TRPM3: variants seen among roughly 807,000 people sequenced by gnomAD.
The protein encoded by TRPM3 is transient receptor potential cation channel subfamily M member 3, also known as long transient receptor potential channel 3.
Under a neutral mutation model 181.2 loss-of-function variants are expected in TRPM3, and 77 were observed. The ratio of observed to expected loss-of-function variants is 0.42; its 90% CI spans 0.35 to 0.51. The LOEUF (loss-of-function observed/expected upper bound fraction) is 0.51. Among genes scored for constraint, TRPM3 ranks in the 20% least tolerant of loss-of-function variants. The pLI, the probability that TRPM3 is intolerant of heterozygous loss-of-function variation, is 0.01. For synonymous variants in TRPM3, 745 were observed against 796.4 expected, an observed-to-expected ratio of 0.94 and a Z score of 1.09; for missense variants, 1,759 against 2,196.7, an observed-to-expected ratio of 0.80 and a Z score of 3.98.
chr9:71,252,835 C>T (rs1409884939), intron 1 of TRPM3, among the ~76,000 whole-genome samples: 1 of 123,878 alleles, frequency 8.1e-6, no homozygotes, highest in African/African-American at 3.3e-5. Flanking sequence ...CCTCGCCTGG[C>T]TAATTTTGTC....
At chr9:70,877,264 G>A (rs2132643033) in intron 1 of TRPM3, among the ~76,000 whole-genome samples, 1 of 151,936 alleles carries the variant, frequency 6.6e-6, no homozygotes, top group Non-Finnish European at 1.5e-5. Flanking sequence ...TCTATGCCAA[G>A]TCGACTCAGC....
exon 1 of TRPM3, chr9:71,446,720 G>A: frequency 6.4e-7 from 1 of 1,550,568 alleles, no homozygotes; most frequent in Non-Finnish European, 8.7e-7. Flanking sequence ...CCTTTTCCAC[G>A]ACTCGGCAAA....
intron 1 of TRPM3, among the ~76,000 whole-genome samples, chr9:71,006,481 G>A (rs998589075): frequency 2.0e-5 from 3 of 151,456 alleles, no homozygotes; most frequent in South Asian, 2.1e-4. Flanking sequence ...CACACATATT[G>A]AAAGTGAAGG....
intron 1 of TRPM3, among the ~76,000 whole-genome samples, chr9:71,051,677 T>C (rs1443761487): frequency 6.6e-6 from 1 of 152,192 alleles, no homozygotes; most frequent in Non-Finnish European, 1.5e-5. Context: ...TTTAGCCGTT[T>C]CTTTTTATAT....
At chr9:71,309,263 T>A (rs1025975191) in intron 1 of TRPM3, among the ~76,000 whole-genome samples, 1 of 152,208 alleles carries the variant, frequency 6.6e-6, no homozygotes, top group Non-Finnish European at 1.5e-5. Flanking sequence ...GTGAGTTACA[T>A]AAATATTTCA....
intron 1 of TRPM3, among the ~76,000 whole-genome samples, chr9:71,019,155 T>C (rs1048484741): frequency 2.0e-5 from 3 of 151,912 alleles, no homozygotes; most frequent in Admixed American, 2.0e-4. Flanking sequence ...ACAGCAAATA[T>C]GATCTTTAAT....
intron 1 of TRPM3, among the ~76,000 whole-genome samples, chr9:71,328,503 A>T (rs2089883061): frequency 6.6e-6 from 1 of 152,106 alleles, no homozygotes; most frequent in Non-Finnish European, 1.5e-5. Context: ...GTGGAAGCTC[A>T]ACCTGTCCAG....
chr9:71,070,497 T>G (rs1439642386), intron 1 of TRPM3, among the ~76,000 whole-genome samples: 1 of 152,224 alleles, frequency 6.6e-6, no homozygotes, highest in Non-Finnish European at 1.5e-5. Flanking sequence ...GCCAGATTTC[T>G]TATCAGATGT....
chr9:71,075,121 TGTTTTAG>T (rs2063285175), intron 1 of TRPM3, among the ~76,000 whole-genome samples: 1 of 152,160 alleles, frequency 6.6e-6, no homozygotes, highest in Non-Finnish European at 1.5e-5. Context: ...TTTTCTGATT[TGTTTTAG>T]GTTTTTGTTT....
At chr9:71,294,055 T>G (rs920454670) in intron 1 of TRPM3, among the ~76,000 whole-genome samples, 2 of 151,958 alleles carry the variant, frequency 1.3e-5, no homozygotes, top group Admixed American at 6.6e-5. Flanking sequence ...GTAAGATCTT[T>G]GAGAAAATGT....
chr9:70,540,234 C>T (rs1324989675), intron 25 of TRPM3, among the ~76,000 whole-genome samples: 1 of 152,174 alleles, frequency 6.6e-6, no homozygotes, highest in Non-Finnish European at 1.5e-5. Flanking sequence ...GCTTAACATA[C>T]TTTAGGTATT....
intron 19 of TRPM3, among the ~76,000 whole-genome samples, chr9:70,605,247 C>T (rs887636064): frequency 2.0e-5 from 3 of 152,114 alleles, no homozygotes; most frequent in South Asian, 2.1e-4. Flanking sequence ...TGAGCCACTG[C>T]GCCTCGCCTA....
intron 1 of TRPM3, among the ~76,000 whole-genome samples, chr9:70,878,540 T>C (rs1442482714): frequency 2.0e-5 from 3 of 152,146 alleles, no homozygotes; most frequent in Admixed American, 2.0e-4. Context: ...TGCTTCTAAA[T>C]GATTTGTGGT....
At position 70,862,930 on chromosome 9, in the gene TRPM3, C is replaced by T; in HGVS notation, c.440G>A (p.Gly147Asp). The T allele has an allele frequency of 6.2e-7, 1 of 1,613,448 alleles. No homozygotes were observed. ...DAFGTIEFQG[G>D]GHSNKAMYVR... ...TACCATGGCTTTGTTGGAATGGCCA[C>T]CTCCTTGGAACTCAATGGTCCCAAA... The change falls in exon 3 of 26, where the codon GGT (glycine) becomes GAT (aspartate). Residue 147 changes from glycine (G) to aspartate (D), a missense_variant. By Grantham distance (94) the Gly-to-Asp change is moderately conservative. Coordinates refer to ENST00000677713, the MANE Select transcript of TRPM3 (RefSeq NM_001366145.2).
At chr9:70,537,876 T>C (rs549254791) in intron 25 of TRPM3, among the ~76,000 whole-genome samples, 25 of 152,348 alleles carry the variant, frequency 1.6e-4, no homozygotes, top group African/African-American at 6.0e-4. Context: ...CCCAGAATTT[T>C]GCAATGAAAT....
intron 1 of TRPM3, among the ~76,000 whole-genome samples, chr9:71,027,880 T>G (rs1441232813): frequency 6.6e-6 from 1 of 152,164 alleles, no homozygotes; most frequent in Non-Finnish European, 1.5e-5. Flanking sequence ...GGAAGCAACT[T>G]GGAAAACATA....
chr9:71,011,537 T>C (rs1333321471), intron 1 of TRPM3, among the ~76,000 whole-genome samples: 1 of 152,136 alleles, frequency 6.6e-6, no homozygotes, highest in Non-Finnish European at 1.5e-5. Context: ...TGTTATTTCA[T>C]TTCCTATAAT....
intron 1 of TRPM3, among the ~76,000 whole-genome samples, chr9:71,247,353 C>CA (rs34584730): frequency 0.36 from 29,603 of 82,308 alleles, 5,468 homozygotes; most frequent in Admixed American, 0.46. Flanking sequence ...GACTCTGTCT[C>CA]AAAAAAAAAA....
At chr9:71,350,478 C>T (rs2091560490) in intron 1 of TRPM3, among the ~76,000 whole-genome samples, 1 of 152,170 alleles carries the variant, frequency 6.6e-6, no homozygotes. Context: ...AGGTGGATCG[C>T]TTCCCTTGAT....
Sources: gnomAD v4.1 joint callset for allele counts (sites outside exome capture counted in the v4.1 genomes callset) on GRCh38, gnomAD v4.1.1 for gene constraint, MANE v1.5 for transcripts, NCBI Gene and HGNC (gene_info 2026-07-23, HGNC 2026-07-21) for gene names.